A2M: variants seen among roughly 807,000 people sequenced by gnomAD.
The protein encoded by A2M is alpha-2-macroglobulin, also known as C3 and PZP-like alpha-2-macroglobulin domain-containing protein 5.
A neutral mutation model predicts 183.9 loss-of-function variants in A2M; 128 were observed. The ratio of observed to expected loss-of-function variants is 0.70; its 90% CI spans 0.60 to 0.81. The LOEUF (loss-of-function observed/expected upper bound fraction) is 0.81, where lower values mean the gene tolerates loss of function less well. Among genes scored for constraint, A2M ranks in the 30% least tolerant of loss-of-function variants. A2M has a pLI of 0.00. For synonymous variants in A2M, 592 were observed against 670.8 expected (o/e 0.88, Z 1.81); for missense variants, 1,495 against 1,787.6 (o/e 0.84, Z 2.95).
At chr12:9,093,680 G>A (rs564036129) in intron 17 of A2M, 101 bp from the exon 18 acceptor site, 104 of 661,422 alleles carry the variant, frequency 1.6e-4, no homozygotes, top group South Asian at 1.0e-3. Flanking sequence ...AAAACAAATC[G>A]TCTGATGAAA....
intron 8 of A2M, among the ~76,000 whole-genome samples, chr12:9,107,308 C>T (rs1215656674): frequency 2.6e-5 from 4 of 152,078 alleles, no homozygotes; most frequent in Admixed American, 1.3e-4. Flanking sequence ...TTAGATGGCT[C>T]AGTGTCTATC....
chr12:9,079,521 T>A (rs1173405785), intron 24 of A2M, 118 bp downstream of exon 24: 1 of 1,100,652 alleles, frequency 9.1e-7, no homozygotes, highest in Non-Finnish European at 1.3e-6. Flanking sequence ...TTAACTATCA[T>A]AGCAGCTATC....
intron 15 of A2M, among the ~76,000 whole-genome samples, chr12:9,096,499 G>A (rs1399768614): frequency 6.6e-6 from 1 of 152,136 alleles, no homozygotes; most frequent in Non-Finnish European, 1.5e-5. Flanking sequence ...CACAGGACAC[G>A]ATGGCATTTT....
Position 9,089,995 on chromosome 12 carries a change from C to G in A2M, c.2625G>C (p.Glu875Asp). The change falls in exon 21 of 36, where the codon GAG becomes GAC. Residue 875 changes from glutamate (E) to aspartate (D), a missense_variant. Glu to Asp is a conservative substitution (Grantham distance 45). Transcript: ENST00000318602. The part of the protein sequence containing the change: ...LGNVNFTVSA[E>D]ALESQELCGT... ...CACACAGCTCTTGAGACTCTAGTGC[C>G]TCTGCGCTCACAGTGAAATTCACAT... The G allele has an allele frequency of 6.3e-7, 1 of 1,599,904 alleles. No individual in the cohort carries two copies. The highest frequency in any genetic ancestry group is 8.6e-7 in the Non-Finnish European group (1 of 1,168,702).
intron 31 of A2M, among the ~76,000 whole-genome samples, chr12:9,070,897 C>G (rs766224478): frequency 1.3e-5 from 2 of 151,774 alleles, no homozygotes; most frequent in Admixed American, 6.6e-5. Context: ...TTCGGCTCAC[C>G]GCAACCTCCG....
Position 9,098,638 on chromosome 12 carries a change from A to C in A2M, c.1820T>G (p.Met607Arg). The change falls in exon 15 of 36, where the codon ATG becomes AGG. Residue 607 changes from methionine to arginine, a missense_variant. Met to Arg is a moderately conservative substitution (Grantham distance 91). Transcript: ENST00000318602. ...LRAVDQSVLLMKPDAELSASS... is the reference protein window; with the variant it reads ...LRAVDQSVLLRKPDAELSASS... ...CGCCGAGAGCTCAGCATCAGGCTTC[A>C]TGAGCAGCACGCTTTGGTCCACAGC... is the stretch of plus-strand genomic sequence containing the variant. 6.2e-7 allele frequency: 1 copy of C among 1,608,568 alleles called. No homozygotes were observed. The highest frequency in any genetic ancestry group is 1.1e-5 in the South Asian group (1 of 89,428).
chr12:9,112,443 C>G lies in A2M; in HGVS notation c.364G>C (p.Val122Leu). Reference protein sequence around the residue: ...QEFKKRTTVMVKNEDSLVFVQ... With the variant: ...QEFKKRTTVMLKNEDSLVFVQ... ...AAGACCAGACTGTCCTCGTTCTTAA[C>G]CATCACTGTGGTCCGCTTCTTAAAT... Residue 122 changes from valine to leucine, a missense_variant, in exon 3 of 36, where the codon GTT becomes CTT. Physicochemically the swap from Val to Leu is conservative, Grantham distance 32. Transcript: ENST00000318602. 1 of 1,613,924 alleles carries G rather than the reference C, an allele frequency of 6.2e-7. No individual in the cohort carries two copies. Among genetic ancestry groups the G allele is most frequent in the Non-Finnish European group, 8.5e-7 (1 of 1,179,844 alleles).
intron 11 of A2M, 126 bp from the exon 12 acceptor site, chr12:9,101,800 A>G (rs774861969): frequency 2.4e-4 from 185 of 769,032 alleles, no homozygotes; most frequent in Non-Finnish European, 3.6e-4. Flanking sequence ...TCCACAATGA[A>G]AAGTGGGAGA....
intron 29 of A2M, among the ~76,000 whole-genome samples, chr12:9,073,081 T>G (rs781689021): frequency 6.6e-6 from 1 of 152,144 alleles, no homozygotes; most frequent in Non-Finnish European, 1.5e-5. Flanking sequence ...ATGCCCTACA[T>G]GTTTATTTTA....
chr12:9,077,307 C>T (rs1305189116), intron 27 of A2M, 39 bp downstream of exon 27: 12 of 1,569,996 alleles, frequency 7.6e-6, no homozygotes, highest in Non-Finnish European at 1.0e-5. Context: ...TCATTGCATC[C>T]AGAACTCTCC....
At chr12:9,111,262 G>A (rs570381371) in intron 4 of A2M, among the ~76,000 whole-genome samples, 275 of 152,242 alleles carry the variant, frequency 1.8e-3, no homozygotes, top group Non-Finnish European at 3.3e-3. Flanking sequence ...AATAAACCAT[G>A]TTTTAATGGA....
Position 9,077,391 on chromosome 12 carries a change from G to A in A2M, c.3306C>T (p.Ser1102=), listed in dbSNP as rs775982089. The A allele has an allele frequency of 2.1e-5, 34 of 1,613,394 alleles. No homozygotes were observed. Among genetic ancestry groups the A allele is most frequent in the South Asian group, 1.4e-4 (13 of 90,854 alleles). Residue 1102 remains serine, a synonymous_variant, in exon 27 of 36, where the codon TCC becomes TCT. Transcript: ENST00000318602. ...CCAGAAGGGCGATGGTGATATAGGC[G>A]GAGAGGGTCACTTCATCTTCTACTC... ...KGGVEDEVTL[S]AYITIALLEI...
chr12:9,093,018 G>A (rs772408844), intron 18 of A2M, among the ~76,000 whole-genome samples: 25 of 152,206 alleles, frequency 1.6e-4, no homozygotes, highest in East Asian at 3.9e-4. Context: ...CAAGTACTGC[G>A]TGATCTTACT....
chr12:9,101,278 T>G, intron 12 of A2M, 71 bp from the exon 13 acceptor site: 1 of 1,452,160 alleles, frequency 6.9e-7, no homozygotes, highest in Non-Finnish European at 9.5e-7. Context: ...TTCAATATAC[T>G]TGTTTTATTG....
At chr12:9,068,058 T>G in intron 35 of A2M, 125 bp downstream of exon 35, 2 of 1,173,792 alleles carry the variant, frequency 1.7e-6, no homozygotes, top group Non-Finnish European at 2.5e-6. Context: ...TTTTCTATAA[T>G]AATGTGCAGT....
intron 13 of A2M, among the ~76,000 whole-genome samples, chr12:9,100,821 C>CT (rs1029046641): frequency 6.6e-6 from 1 of 151,836 alleles, no homozygotes; most frequent in Non-Finnish European, 1.5e-5. Flanking sequence ...GAAGTGGCAG[C>CT]TAAGCTATTA....
At chr12:9,072,182 C>T (rs908485487) in intron 31 of A2M, among the ~76,000 whole-genome samples, 177 bp downstream of exon 31, 3 of 152,148 alleles carry the variant, frequency 2.0e-5, no homozygotes, top group African/African-American at 7.2e-5. Context: ...AATAGTAGAT[C>T]CTGGATGGAC....
chr12:9,112,365 G>A lies in A2M; in HGVS notation c.430+12C>T. The stretch of plus-strand genomic sequence containing the variant: ...CTTTTTGAAGTTGTCCTGTCTGTAG[G>A]CTTCTTCATACCTGTCTGCCCTGGT... On this transcript the variant is annotated intron_variant, in intron 3 of 35. Transcript: ENST00000318602. 2 of 1,610,886 alleles carry A rather than the reference G, an allele frequency of 1.2e-6. No homozygotes were observed. The highest frequency in any genetic ancestry group is 1.7e-6 in the Non-Finnish European group (2 of 1,177,444).
intron 15 of A2M, among the ~76,000 whole-genome samples, chr12:9,097,232 T>A (rs779002494): frequency 1.3e-5 from 2 of 152,340 alleles, no homozygotes; most frequent in East Asian, 3.9e-4. Context: ...AGAAGTATTC[T>A]AATATTTTCA....
Sources: gnomAD v4.1 joint callset for allele counts (sites outside exome capture counted in the v4.1 genomes callset) on GRCh38, gnomAD v4.1.1 for gene constraint, MANE v1.5 for transcripts, NCBI Gene and HGNC (gene_info 2026-07-23, HGNC 2026-07-21) for gene names.